Variants in CSMD1 observed in about 807,000 individuals in gnomAD.
CSMD1 encodes the protein CUB and sushi domain-containing protein 1.
CSMD1 carries 213 observed loss-of-function variants against 417.5 expected under a neutral mutation model. The ratio of observed to expected loss-of-function variants is 0.51; its 90% CI spans 0.46 to 0.57. The LOEUF is 0.57. Among genes scored for constraint, CSMD1 ranks in the 20% least tolerant of loss-of-function variants. CSMD1 has a pLI of 0.00. For missense variants in CSMD1, 6,923 were observed against 4,529.7 expected (o/e 1.53, Z -15.17); for synonymous variants, 2,862 against 1,736.8 (o/e 1.65, Z -16.11).
chr8:3,901,092 C>T (rs1394312789), intron 5 of CSMD1, among the ~76,000 whole-genome samples: 1 of 152,040 alleles, frequency 6.6e-6, no homozygotes, highest in African/African-American at 2.4e-5. Context: ...AACCTGGAGT[C>T]CAAGGTTAAT....
chr8:3,480,397 A>G (rs1817674528), intron 11 of CSMD1, among the ~76,000 whole-genome samples: 3 of 152,088 alleles, frequency 2.0e-5, no homozygotes, highest in Admixed American at 6.6e-5. Context: ...AAAACGAATA[A>G]AGCTTCAGAG....
At chr8:4,231,883 T>A (rs369372945) in intron 3 of CSMD1, among the ~76,000 whole-genome samples, 3 of 152,188 alleles carry the variant, frequency 2.0e-5, no homozygotes, top group African/African-American at 7.2e-5. Flanking sequence ...CAACTCCTAA[T>A]ACTTGTGTTT....
At chr8:4,178,445 C>T (rs988326106) in intron 3 of CSMD1, among the ~76,000 whole-genome samples, 3 of 151,146 alleles carry the variant, frequency 2.0e-5, no homozygotes, top group Non-Finnish European at 2.9e-5. Context: ...ATAATAAGAG[C>T]TATCTATAAC....
chr8:3,108,671 G>A lies in CSMD1; in HGVS notation c.6686C>T (p.Thr2229Ile), dbSNP rs775022616. ...GTGGAACTTGAGCAGGACTTGGTTGGTGGAGCTATACGCCGTTTCGAGGGC... is the reference window on the plus strand; with the variant it reads ...GTGGAACTTGAGCAGGACTTGGTTGATGGAGCTATACGCCGTTTCGAGGGC... ...NTALETAYSS[T>I]NQVLLKFHSD... Residue 2229 changes from threonine (T) to isoleucine (I), a missense_variant, in exon 44 of 70, where the codon ACC becomes ATC. By Grantham distance (89) the Thr-to-Ile change is moderately conservative. Coordinates refer to ENST00000635120, the MANE Select transcript of CSMD1 (RefSeq NM_033225.6). 2 of 1,613,656 alleles carry A rather than the reference G, an allele frequency of 1.2e-6. No individual in the cohort carries two copies. The highest frequency in any genetic ancestry group is 1.1e-5 in the South Asian group (1 of 91,010).
chr8:4,772,471 G>A (rs1000150761), intron 1 of CSMD1, among the ~76,000 whole-genome samples: 1 of 152,064 alleles, frequency 6.6e-6, no homozygotes, highest in African/African-American at 2.4e-5. Context: ...AGCGTCATCC[G>A]GTCATGGAGC....
At chr8:4,888,785 G>T (rs1014378010) in intron 1 of CSMD1, among the ~76,000 whole-genome samples, 1 of 152,038 alleles carries the variant, frequency 6.6e-6, no homozygotes, top group East Asian at 1.9e-4. Context: ...AAAAATCACA[G>T]GACATATCAA....
At chr8:4,789,573 G>A (rs564313811) in intron 1 of CSMD1, among the ~76,000 whole-genome samples, 3 of 152,194 alleles carry the variant, frequency 2.0e-5, no homozygotes, top group Non-Finnish European at 4.4e-5. Flanking sequence ...TCACAATCTG[G>A]CACCCTAGGT....
chr8:4,636,147 A>G (rs912699264), intron 2 of CSMD1, among the ~76,000 whole-genome samples: 3 of 152,060 alleles, frequency 2.0e-5, no homozygotes, highest in Non-Finnish European at 4.4e-5. Flanking sequence ...GAAGCATATG[A>G]TTCTTGTGTG....
intron 3 of CSMD1, among the ~76,000 whole-genome samples, chr8:4,132,856 G>C (rs541396805): frequency 2.6e-5 from 4 of 152,166 alleles, no homozygotes; most frequent in South Asian, 2.1e-4. Flanking sequence ...AAGACAACTA[G>C]GATATATGAA....
intron 26 of CSMD1, among the ~76,000 whole-genome samples, chr8:3,282,771 A>C (rs953610438): frequency 2.0e-5 from 3 of 152,158 alleles, no homozygotes; most frequent in African/African-American, 4.8e-5. Flanking sequence ...GAAATTGTGC[A>C]GACTATAACC....
chr8:3,283,701 A>G (rs1802917903), intron 26 of CSMD1, among the ~76,000 whole-genome samples: 1 of 152,174 alleles, frequency 6.6e-6, no homozygotes, highest in Non-Finnish European at 1.5e-5. Context: ...CACTCCCAGG[A>G]TGCAGAGGAA....
intron 5 of CSMD1, among the ~76,000 whole-genome samples, chr8:3,954,685 C>A (rs1464129113): frequency 6.6e-6 from 1 of 152,218 alleles, no homozygotes; most frequent in Non-Finnish European, 1.5e-5. Context: ...TGTATAGACT[C>A]CCCTCTTTCC....
intron 5 of CSMD1, among the ~76,000 whole-genome samples, chr8:3,816,011 C>T (rs1275731151): frequency 1.3e-5 from 2 of 152,122 alleles, no homozygotes; most frequent in Admixed American, 6.5e-5. Flanking sequence ...TTAAAAATGG[C>T]AGTAAGATAT....
chr8:4,085,647 C>G (rs1006335823), intron 3 of CSMD1, among the ~76,000 whole-genome samples: 4 of 152,080 alleles, frequency 2.6e-5, no homozygotes, highest in African/African-American at 7.2e-5. Flanking sequence ...AAAAACCAGC[C>G]CTAGGTTTTT....
chr8:3,303,770 C>G (rs552542277), intron 25 of CSMD1, among the ~76,000 whole-genome samples: 1 of 152,236 alleles, frequency 6.6e-6, no homozygotes, highest in Non-Finnish European at 1.5e-5. Flanking sequence ...TATGCTGGAT[C>G]TCTTAGAGAA....
chr8:3,901,207 C>T (rs1484426296), intron 5 of CSMD1, among the ~76,000 whole-genome samples: 3 of 152,088 alleles, frequency 2.0e-5, no homozygotes, highest in Non-Finnish European at 4.4e-5. Flanking sequence ...TTCTTCCTGG[C>T]CAATAGTATT....
intron 40 of CSMD1, among the ~76,000 whole-genome samples, chr8:3,142,996 G>C (rs540818146): frequency 6.6e-6 from 1 of 152,158 alleles, no homozygotes; most frequent in African/African-American, 2.4e-5. Context: ...ACACGCACTC[G>C]GGGATGATTT....
chr8:3,139,087 G>A (rs930182025), intron 41 of CSMD1, among the ~76,000 whole-genome samples: 6 of 152,148 alleles, frequency 3.9e-5, no homozygotes, highest in African/African-American at 1.4e-4. Context: ...AGGATAAGCT[G>A]GGAAGCAAAA....
chr8:4,788,269 G>C (rs999663838), intron 1 of CSMD1: 2 of 1,586,478 alleles, frequency 1.3e-6, no homozygotes, highest in Non-Finnish European at 1.7e-6. Flanking sequence ...GAAAGGGATG[G>C]CATTCCTACT....
Sources: gnomAD v4.1 joint callset for allele counts (sites outside exome capture counted in the v4.1 genomes callset) on GRCh38, gnomAD v4.1.1 for gene constraint, MANE v1.5 for transcripts, NCBI Gene and HGNC (gene_info 2026-07-23, HGNC 2026-07-21) for gene names.